Variants in DLG2 observed in about 807,000 individuals in gnomAD.
DLG2 encodes disks large homolog 2.
DLG2 carries 45 observed loss-of-function variants against 132.5 expected under a neutral mutation model. The observed-to-expected ratio is 0.34, with a 90% CI of 0.27 to 0.44. The LOEUF (loss-of-function observed/expected upper bound fraction) is 0.44, where lower values mean the gene tolerates loss of function less well. DLG2 is among the 20% of genes least tolerant of loss of function. The pLI is 1.00. For synonymous variants in DLG2, 424 were observed against 419.6 expected (o/e 1.01, Z -0.13); for missense variants, 1,045 against 1,196.9 (o/e 0.87, Z 1.87).
intron 17 of DLG2, among the ~76,000 whole-genome samples, chr11:83,806,825 C>T (rs1315863889): frequency 6.6e-6 from 1 of 152,068 alleles, no homozygotes; most frequent in Non-Finnish European, 1.5e-5. Flanking sequence ...GATTTCATGG[C>T]CAATTTCAGT....
chr11:83,901,984 C>T (rs2073575848), intron 15 of DLG2, among the ~76,000 whole-genome samples: 2 of 152,132 alleles, frequency 1.3e-5, no homozygotes, highest in South Asian at 2.1e-4. Context: ...ACTATTATTA[C>T]TTTCACCATT....
At position 85,575,152 on chromosome 11, in the gene DLG2, A is replaced by C. The variant is rs146578355; in HGVS notation, c.40+23505T>G. Among the ~76,000 whole-genome samples the C allele has an allele frequency of 1.6e-4, 24 of 146,644 alleles. No individual in the cohort carries two copies. In the East Asian group the frequency reaches 4.7e-3, roughly 29 times the overall value. On this transcript the variant is annotated intron_variant, in intron 3 of 27. Coordinates refer to ENST00000376104, the MANE Select transcript of DLG2 (RefSeq NM_001142699.3). ...AATCTGGATTCCTACCTCATTCACA[A>C]AAAAAAAAAAAAATCTTTATAATGG...
At chr11:83,618,992 T>G (rs1277528554) in intron 19 of DLG2, among the ~76,000 whole-genome samples, 3 of 152,200 alleles carry the variant, frequency 2.0e-5, no homozygotes, top group Non-Finnish European at 4.4e-5. Flanking sequence ...ATTCATCTTT[T>G]TACCCCTGAC....
chr11:84,839,192 A>C (rs548116120), intron 6 of DLG2, among the ~76,000 whole-genome samples: 92 of 152,252 alleles, frequency 6.0e-4, no homozygotes, highest in African/African-American at 2.1e-3. Flanking sequence ...ATTCCTATAC[A>C]ACAATAAAAG....
At chr11:83,997,123 A>C (rs1592682357) in intron 11 of DLG2, among the ~76,000 whole-genome samples, 1 of 106 alleles carries the variant, frequency 9.4e-3, no homozygotes, top group Non-Finnish European at 0.019. Context: ...ACTAAAAGTA[A>C]AAAAAAAAAA....
rs1458637844 is a variant in DLG2, at chr11:85,370,303, AT to A, written c.41-84939del. On this transcript the variant is annotated intron_variant, in intron 3 of 27. Transcript: ENST00000376104. ...AAAATGTGTTTTTTAGTAAAAGGTT[AT>A]AAGAAGGCATGGAAATGTAAACTTT... Among the ~76,000 whole-genome samples the A allele has an allele frequency of 4.6e-5, 7 of 152,344 alleles. No homozygotes were observed. The South Asian group carries it at 8.3e-4, about 18-fold the overall frequency.
At chr11:84,953,846 C>T (rs1169891621) in intron 6 of DLG2, among the ~76,000 whole-genome samples, 2 of 152,102 alleles carry the variant, frequency 1.3e-5, no homozygotes, top group Admixed American at 1.3e-4. Context: ...TTCTCACCAC[C>T]GCCCTTCTTC....
In DLG2 at chr11:83,525,653, C is replaced by A. The variant is rs546920457; in HGVS notation, c.2193+7055G>T. Reference sequence around the variant, plus strand: ...GAGGGCAAAGCCTGCCTTCCTGATGCCCCCTGGAGTGCAGCAGTATGGCTC... The same window carrying A: ...GAGGGCAAAGCCTGCCTTCCTGATGACCCCTGGAGTGCAGCAGTATGGCTC... On this transcript the variant is annotated intron_variant, in intron 21 of 27. Coordinates refer to ENST00000376104, the MANE Select transcript of DLG2 (RefSeq NM_001142699.3). Among the ~76,000 whole-genome samples, 11 of 152,230 alleles carry A rather than the reference C, an allele frequency of 7.2e-5. No homozygotes were observed. In the South Asian group the frequency reaches 2.3e-3, roughly 32 times the overall value.
chr11:83,803,208 G>T (rs1567021779), intron 17 of DLG2, among the ~76,000 whole-genome samples: 1 of 152,030 alleles, frequency 6.6e-6, no homozygotes, highest in Non-Finnish European at 1.5e-5. Flanking sequence ...TGCTATTTTT[G>T]GGGGATGGAT....
At chr11:84,804,886 T>C (rs1436383752) in intron 6 of DLG2, among the ~76,000 whole-genome samples, 5 of 152,120 alleles carry the variant, frequency 3.3e-5, no homozygotes, top group Non-Finnish European at 2.9e-5. Context: ...GAAACTTTCA[T>C]AGACACTAGG....
At chr11:84,375,356 G>A (rs1211340153) in intron 7 of DLG2, among the ~76,000 whole-genome samples, 2 of 152,058 alleles carry the variant, frequency 1.3e-5, no homozygotes, top group Non-Finnish European at 2.9e-5. Context: ...CGCTGTTTTT[G>A]TTCACCAACT....
intron 18 of DLG2, among the ~76,000 whole-genome samples, chr11:83,748,338 T>C (rs562367798): frequency 1.3e-5 from 2 of 152,198 alleles, no homozygotes; most frequent in Non-Finnish European, 2.9e-5. Flanking sequence ...TCAGGATGCA[T>C]ATAATCAACT....
At chr11:83,487,496 G>A (rs1470918477) in intron 21 of DLG2, among the ~76,000 whole-genome samples, 2 of 151,948 alleles carry the variant, frequency 1.3e-5, no homozygotes, top group African/African-American at 4.8e-5. Context: ...TCACACAATT[G>A]GTGAGCAGAG....
intron 6 of DLG2, among the ~76,000 whole-genome samples, chr11:85,083,146 G>T (rs1037560488): frequency 1.3e-5 from 2 of 152,114 alleles, no homozygotes; most frequent in African/African-American, 4.8e-5. Flanking sequence ...CATGGAAGCA[G>T]GAAAATTTGT....
At chr11:83,460,086 A>T (rs1228168285) in intron 27 of DLG2, among the ~76,000 whole-genome samples, 162 bp from the exon 28 acceptor site, 1 of 152,278 alleles carries the variant, frequency 6.6e-6, no homozygotes, top group Non-Finnish European at 1.5e-5. Flanking sequence ...TCATATAAGC[A>T]AAGTTACATT....
chr11:84,993,261 G>A (rs755194837), intron 6 of DLG2, among the ~76,000 whole-genome samples: 3 of 152,266 alleles, frequency 2.0e-5, no homozygotes, highest in Admixed American at 6.5e-5. Context: ...GGGGCCTGTC[G>A]GAGGGTGGGG....
At chr11:84,942,552 AT>A (rs1454272199) in intron 6 of DLG2, among the ~76,000 whole-genome samples, 11 of 151,980 alleles carry the variant, frequency 7.2e-5, no homozygotes, top group Admixed American at 7.2e-4. Context: ...CTTATTATTG[AT>A]TTTTAGTTTT....
chr11:84,143,247 G>A (rs1339664537), intron 9 of DLG2, among the ~76,000 whole-genome samples: 1 of 152,138 alleles, frequency 6.6e-6, no homozygotes. Flanking sequence ...ATGAAGAGAA[G>A]GGACAAGCTA....
intron 6 of DLG2, among the ~76,000 whole-genome samples, chr11:85,053,021 G>A (rs1490620023): frequency 6.6e-6 from 1 of 151,812 alleles, no homozygotes; most frequent in Non-Finnish European, 1.5e-5. Flanking sequence ...TTTCTACATT[G>A]TCATATCTGC....
Sources: allele counts gnomAD v4.1 joint callset (sites outside exome capture counted in the v4.1 genomes callset), GRCh38; gene constraint gnomAD v4.1.1; transcripts MANE v1.5; gene names NCBI Gene and HGNC (gene_info 2026-07-23, HGNC 2026-07-21).